Variants in MAPT observed in about 807,000 individuals in gnomAD.
The protein encoded by MAPT is microtubule associated protein tau.
Under a neutral mutation model 67.9 loss-of-function variants are expected in MAPT, and 34 were observed. The observed-to-expected ratio is 0.50, with a 90% CI of 0.38 to 0.67. The LOEUF (loss-of-function observed/expected upper bound fraction) is 0.67. MAPT is among the 30% of genes least tolerant of loss of function. The probability of loss-of-function intolerance (pLI) is 0.00; values close to 1 mark genes in which losing one functional copy is unlikely to be tolerated. For missense variants in MAPT, 881 were observed against 1,115.2 expected (o/e 0.79, Z 2.99); for synonymous variants, 456 against 464.5 (o/e 0.98, Z 0.23).
intron 1 of MAPT, among the ~76,000 whole-genome samples, chr17:45,942,853 G>T (rs2068119875): frequency 6.6e-6 from 1 of 152,200 alleles, no homozygotes; most frequent in East Asian, 1.9e-4. Flanking sequence ...CAATGCAAAG[G>T]AGGCTCTGGG....
chr17:45,920,137 TAC>T (rs910670809), intron 1 of MAPT, among the ~76,000 whole-genome samples: 3 of 152,240 alleles, frequency 2.0e-5, no homozygotes, highest in African/African-American at 4.8e-5. Flanking sequence ...AGGCAGAACG[TAC>T]ACAGTCTTTG....
rs558418766 is a variant in MAPT, at chr17:46,010,049, C to T, written c.1999-261C>T. Among the ~76,000 whole-genome samples, 8 of 152,210 alleles carry T rather than the reference C, an allele frequency of 5.3e-5. No homozygotes were observed. The highest frequency in any genetic ancestry group is 1.0e-4 in the Non-Finnish European group (7 of 68,044). On this transcript the variant is annotated intron_variant, in intron 9 of 12. Transcript: ENST00000262410. The surrounding 1 kb of genome is among the most constrained non-coding windows in gnomAD (Gnocchi z 4.7). The stretch of plus-strand genomic sequence containing the variant: ...AAGTGAGGACCTGCAATCCCAGCTT[C>T]GTAAAGCCCGCTGGAAATCACTCAC...
At chr17:45,964,541 G>A (rs974007392) in intron 2 of MAPT, among the ~76,000 whole-genome samples, 2 of 151,676 alleles carry the variant, frequency 1.3e-5, no homozygotes, top group African/African-American at 4.9e-5. Context: ...AAAATTATCC[G>A]GGCATAGTGG....
chr17:46,004,032 G>A lies in MAPT; in HGVS notation c.1999-6278G>A, dbSNP rs958996502. Among the ~76,000 whole-genome samples, 6 of 152,324 alleles carry A rather than the reference G, an allele frequency of 3.9e-5. No homozygotes were observed. In the South Asian group the frequency reaches 6.2e-4, roughly 16 times the overall value. Reference sequence around the variant, plus strand: ...AGCTGATCACCTTGGACTTGAAGAGGAGGCTTGTGTGGGCATCCAGTGCCC... The same window carrying A: ...AGCTGATCACCTTGGACTTGAAGAGAAGGCTTGTGTGGGCATCCAGTGCCC... On this transcript the variant is annotated intron_variant, in intron 9 of 12. Transcript: ENST00000262410.
At chr17:45,903,664 G>A (rs1288731976) in intron 1 of MAPT, among the ~76,000 whole-genome samples, 44 of 132,342 alleles carry the variant, frequency 3.3e-4, no homozygotes, top group Admixed American at 8.9e-5. Flanking sequence ...GCAGTGAGCC[G>A]AGATCGCACC....
At chr17:46,022,490 G>GC (rs66885608) in intron 12 of MAPT, among the ~76,000 whole-genome samples, 21,785 of 151,794 alleles carry the variant, frequency 0.14, 2,132 homozygotes, top group Non-Finnish European at 0.22. Flanking sequence ...GCCCATTCAA[G>GC]CCCCTGCAAT....
intron 1 of MAPT, among the ~76,000 whole-genome samples, chr17:45,953,478 T>C (rs916694284): frequency 6.6e-5 from 10 of 152,222 alleles, no homozygotes; most frequent in Non-Finnish European, 1.3e-4. Context: ...AGGATCAGGG[T>C]GGAGGCTGAG....
chr17:45,921,734 G>C (rs767059), intron 1 of MAPT, among the ~76,000 whole-genome samples: 21,833 of 152,178 alleles, frequency 0.14, 2,140 homozygotes, highest in Non-Finnish European at 0.22. Flanking sequence ...TAACATGTTC[G>C]TAGGCTGTTT....
At chr17:45,951,701 C>G (rs996648704) in intron 1 of MAPT, among the ~76,000 whole-genome samples, 1 of 152,098 alleles carries the variant, frequency 6.6e-6, no homozygotes, top group South Asian at 2.1e-4. Flanking sequence ...CCCCGCCCCC[C>G]GGGCCTCAAT....
intron 9 of MAPT, among the ~76,000 whole-genome samples, chr17:45,998,923 C>T (rs546283933): frequency 6.6e-6 from 1 of 152,222 alleles, no homozygotes; most frequent in African/African-American, 2.4e-5. Context: ...CCTTTTCTCC[C>T]ATTGCCCACC....
In MAPT at chr17:46,025,185, G is replaced by A. The variant is rs1160642106; in HGVS notation, c.*1014G>A. On this transcript the variant is annotated 3_prime_UTR_variant, in exon 13 of 13. Coordinates refer to ENST00000262410, the MANE Select transcript of MAPT (RefSeq NM_001377265.1). ...ACTTTAGGGCTAACCAGTTCTCTTTGTAAGGACTTGTGCCTCTTGGGAGAC... is the reference window on the plus strand; with the variant it reads ...ACTTTAGGGCTAACCAGTTCTCTTTATAAGGACTTGTGCCTCTTGGGAGAC... 1 of 152,762 alleles carries A rather than the reference G, an allele frequency of 6.5e-6. No individual in the cohort carries two copies. The highest frequency in any genetic ancestry group is 1.5e-5 in the Non-Finnish European group (1 of 68,174). The allele number at this position is 152,762 out of a possible 1,614,324, so 9.5% of individuals were successfully genotyped here.
intron 1 of MAPT, among the ~76,000 whole-genome samples, chr17:45,925,148 T>G (rs1318408476): frequency 6.6e-6 from 1 of 152,240 alleles, no homozygotes; most frequent in Non-Finnish European, 1.5e-5. Flanking sequence ...TGATAGGAAT[T>G]CAGAAATATA....
chr17:45,903,210 C>T (rs934085483), intron 1 of MAPT, among the ~76,000 whole-genome samples: 3 of 152,164 alleles, frequency 2.0e-5, no homozygotes, highest in Non-Finnish European at 4.4e-5. Flanking sequence ...GCGTAAAGGA[C>T]AGCTCCTCCT....
At chr17:45,916,181 C>G (rs1294502681) in intron 1 of MAPT, among the ~76,000 whole-genome samples, 3 of 152,224 alleles carry the variant, frequency 2.0e-5, no homozygotes, top group African/African-American at 7.2e-5. Context: ...CCCAGAGAAG[C>G]AGCAAGGCAT....
chr17:46,023,336 G>C (rs1362730022), intron 12 of MAPT, among the ~76,000 whole-genome samples: 1 of 152,236 alleles, frequency 6.6e-6, no homozygotes. Context: ...CCACAGAGGA[G>C]TAGATGCCTT....
chr17:45,962,963 T>C (rs2070621764), intron 2 of MAPT, among the ~76,000 whole-genome samples: 1 of 152,068 alleles, frequency 6.6e-6, no homozygotes, highest in Non-Finnish European at 1.5e-5. Flanking sequence ...GAAATTTACC[T>C]TGAGTTACCC....
chr17:45,914,867 C>G (rs55788678), intron 1 of MAPT, among the ~76,000 whole-genome samples: 1 of 151,390 alleles, frequency 6.6e-6, no homozygotes, highest in Non-Finnish European at 1.5e-5. Flanking sequence ...ACTATAGGCA[C>G]GCATACCACC....
chr17:46,024,242 G>T lies in MAPT; in HGVS notation c.*71G>T. 1.4e-6 allele frequency: 2 copies of T among 1,387,002 alleles called. No homozygotes were observed. Among genetic ancestry groups the T allele is most frequent in the Non-Finnish European group, 2.0e-6 (2 of 988,620 alleles). 85.9% of individuals were successfully genotyped at this position (1,387,002 alleles called of 1,614,324 possible). A position where few individuals can be genotyped will look rare whatever the true frequency, so the allele number is the denominator to read the frequency against. ...AGAGTGTGGAAAAAAAAAGAATAAT[G>T]ACCCGGCCCCCGCCCTCTGCCCCCA... On this transcript the variant is annotated 3_prime_UTR_variant, in exon 13 of 13. Coordinates refer to ENST00000262410, the MANE Select transcript of MAPT (RefSeq NM_001377265.1).
intron 3 of MAPT, chr17:45,972,215 G>A (rs2071770137): frequency 1.4e-5 from 9 of 632,440 alleles, no homozygotes; most frequent in East Asian, 3.2e-5. Context: ...CGCTCCATAC[G>A]ATTGTCCTCC....
Sources: gnomAD v4.1 joint callset for allele counts (sites outside exome capture counted in the v4.1 genomes callset) on GRCh38, gnomAD v4.1.1 for gene constraint, Gnocchi (gnomAD v3.1) non-coding constraint, MANE v1.5 for transcripts, NCBI Gene and HGNC (gene_info 2026-07-23, HGNC 2026-07-21) for gene names.